The following LUC7L2 variants were observed in gnomAD, a reference collection of about 807,000 sequenced individuals.
LUC7L2 encodes the protein putative RNA-binding protein Luc7-like 2.
LUC7L2 carries 25 observed loss-of-function variants against 52.8 expected under a neutral mutation model. The ratio of observed to expected loss-of-function variants is 0.47; its 90% CI spans 0.34 to 0.66. LUC7L2 has a LOEUF of 0.66. Ranked by LOEUF, LUC7L2 falls within the 30% of genes least tolerant of loss-of-function variation. LUC7L2 has a pLI of 0.01. For synonymous variants in LUC7L2, 144 were observed against 160.9 expected (o/e 0.89, Z 0.80); for missense variants, 328 against 497.8 (o/e 0.66, Z 3.25).
chr7:139,420,225 C>T (rs959501305), intron 9 of LUC7L2, among the ~76,000 whole-genome samples: 1 of 151,740 alleles, frequency 6.6e-6, no homozygotes, highest in Admixed American at 6.6e-5. Flanking sequence ...TTTTTTGAGA[C>T]GAGAGTCTCG....
intron 1 of LUC7L2, among the ~76,000 whole-genome samples, chr7:139,364,201 T>G (rs1800027226): frequency 6.6e-6 from 1 of 152,042 alleles, no homozygotes; most frequent in Non-Finnish European, 1.5e-5. Context: ...GCCAGGATGG[T>G]CTCGAACTCC....
chr7:139,380,773 C>T (rs116226394), intron 2 of LUC7L2, among the ~76,000 whole-genome samples: 1,584 of 152,232 alleles, frequency 0.01, 31 homozygotes, highest in African/African-American at 0.036. Flanking sequence ...ACCAAGCTGT[C>T]ATTTTTTTCC....
At chr7:139,341,589 G>A in intron 1 of LUC7L2, 1 of 1,573,470 alleles carries the variant, frequency 6.4e-7, no homozygotes, top group Non-Finnish European at 8.6e-7. Flanking sequence ...CTGGGCTAGG[G>A]TGGGGAGCAC....
chr7:139,376,440 T>A (rs1800716196), intron 2 of LUC7L2, among the ~76,000 whole-genome samples: 1 of 152,226 alleles, frequency 6.6e-6, no homozygotes, highest in Admixed American at 6.5e-5. Context: ...GTACTTTTAG[T>A]TCAGAAATAA....
intron 7 of LUC7L2, 151 bp from the exon 8 acceptor site, chr7:139,412,400 G>A (rs948909934): frequency 2.4e-6 from 2 of 816,420 alleles, no homozygotes; most frequent in Non-Finnish European, 3.6e-6. Context: ...CGAGTTTGTG[G>A]TGTCTTTTGG....
At chr7:139,407,145 T>G in intron 5 of LUC7L2, 29 bp from the exon 6 acceptor site, 1 of 1,590,706 alleles carries the variant, frequency 6.3e-7, no homozygotes, top group Non-Finnish European at 8.6e-7. Context: ...GAGATTTATA[T>G]GGTCATTGTT....
intron 2 of LUC7L2, among the ~76,000 whole-genome samples, chr7:139,395,182 T>A (rs773792983): frequency 7.9e-5 from 12 of 152,218 alleles, no homozygotes; most frequent in Non-Finnish European, 1.2e-4. Context: ...GTTTAGAAAT[T>A]GTTAATTTCA....
At chr7:139,350,612 G>T (rs527857527) in intron 1 of LUC7L2, among the ~76,000 whole-genome samples, 3 of 151,552 alleles carry the variant, frequency 2.0e-5, no homozygotes, top group Admixed American at 1.3e-4. Context: ...CTCGTTTGTT[G>T]TCTAGGGAGC....
chr7:139,378,999 A>G (rs1431619229), intron 2 of LUC7L2, among the ~76,000 whole-genome samples: 5 of 152,014 alleles, frequency 3.3e-5, no homozygotes, highest in South Asian at 2.1e-4. Flanking sequence ...GTACCTAAAG[A>G]TTGTATGACT....
intron 2 of LUC7L2, among the ~76,000 whole-genome samples, chr7:139,383,558 CTGCACG>C (rs1794049941): frequency 6.8e-6 from 1 of 147,702 alleles, no homozygotes; most frequent in Admixed American, 6.7e-5. Context: ...ATTAGAGGTG[CTGCACG>C]CCACCATGCC....
intron 7 of LUC7L2, among the ~76,000 whole-genome samples, chr7:139,411,402 G>A (rs1054812075): frequency 1.3e-5 from 2 of 152,168 alleles, no homozygotes; most frequent in Non-Finnish European, 2.9e-5. Context: ...GCCAGACACT[G>A]TAGTAAGGAA....
intron 5 of LUC7L2, among the ~76,000 whole-genome samples, chr7:139,406,745 T>TTC (rs1366349536): frequency 1.3e-5 from 2 of 152,198 alleles, no homozygotes; most frequent in Non-Finnish European, 2.9e-5. Flanking sequence ...TATAAAGTTG[T>TTC]TCATAGTGTT....
At position 139,409,674 on chromosome 7, in the gene LUC7L2, G is replaced by C. The variant is rs1348396381; in HGVS notation, c.779+20G>C. On this transcript the variant is annotated intron_variant, in intron 7 of 9. Coordinates refer to ENST00000354926, the MANE Select transcript of LUC7L2 (RefSeq NM_016019.5). ...GAGGAGGTATGGAGTAATGGGCCAA[G>C]TAATTGAAGTTGAATCTCTGTGGTT... 6.4e-7 allele frequency: 1 copy of C among 1,574,788 alleles called. No individual in the cohort carries two copies. Among genetic ancestry groups the C allele is most frequent in the Non-Finnish European group, 8.6e-7 (1 of 1,164,046 alleles).
intron 2 of LUC7L2, among the ~76,000 whole-genome samples, chr7:139,393,371 A>G (rs759608469): frequency 2.5e-4 from 38 of 152,284 alleles, no homozygotes; most frequent in Non-Finnish European, 4.9e-4. Flanking sequence ...GTAGGGTTGC[A>G]GTGAGCTGAG....
At chr7:139,381,664 A>G (rs1585095766) in intron 2 of LUC7L2, among the ~76,000 whole-genome samples, 1 of 143,786 alleles carries the variant, frequency 7.0e-6, no homozygotes, top group South Asian at 2.2e-4. Context: ...GCAACCTCCC[A>G]CTCCCGGGTT....
chr7:139,341,365 G>A (rs1350127709), intron 1 of LUC7L2: 3 of 1,596,776 alleles, frequency 1.9e-6, no homozygotes, highest in Admixed American at 3.4e-5. Flanking sequence ...TGGGCACCAC[G>A]CTCGGAGAAG....
At chr7:139,390,791 C>T (rs904655171) in intron 2 of LUC7L2, among the ~76,000 whole-genome samples, 5 of 151,066 alleles carry the variant, frequency 3.3e-5, no homozygotes, top group African/African-American at 1.2e-4. Flanking sequence ...CTCCTGACCT[C>T]GTGATTCGCC....
intron 3 of LUC7L2, 57 bp downstream of exon 3, chr7:139,398,754 T>C: frequency 2.0e-6 from 3 of 1,531,184 alleles, no homozygotes; most frequent in East Asian, 4.6e-5. Context: ...ACATTGTGAA[T>C]GTGGATTAAG....
intron 1 of LUC7L2, chr7:139,345,736 T>C: frequency 6.3e-7 from 1 of 1,588,876 alleles, no homozygotes; most frequent in Non-Finnish European, 8.6e-7. Context: ...GCTGCATTCA[T>C]AGGAGAATTG....
Sources: allele counts gnomAD v4.1 joint callset (sites outside exome capture counted in the v4.1 genomes callset), GRCh38; gene constraint gnomAD v4.1.1; transcripts MANE v1.5; gene names NCBI Gene and HGNC (gene_info 2026-07-23, HGNC 2026-07-21).